Variants in TADA2A observed in about 807,000 individuals in gnomAD.
TADA2A encodes the protein transcriptional adaptor 2A.
In TADA2A, 38 loss-of-function variants were observed where a neutral mutation model predicts 67.4. The ratio of observed to expected loss-of-function variants is 0.56; its 90% CI spans 0.44 to 0.74. TADA2A has a LOEUF of 0.74. TADA2A is among the 30% of genes least tolerant of loss of function. The pLI, the probability that TADA2A is intolerant of heterozygous loss-of-function variation, is 0.00. For missense variants in TADA2A, 454 were observed against 547.0 expected (o/e 0.83, Z 1.70); for synonymous variants, 192 against 181.6 (o/e 1.06, Z -0.46).
intron 8 of TADA2A, among the ~76,000 whole-genome samples, chr17:37,447,740 G>A: frequency 6.6e-6 from 1 of 152,222 alleles, no homozygotes; most frequent in Non-Finnish European, 1.5e-5. Flanking sequence ...TCCTGTGGCA[G>A]CATGACCATG....
In TADA2A at chr17:37,426,968, G is replaced by A. The variant is rs1474977822; in HGVS notation, c.151G>A (p.Glu51Lys). ...LCLQCFTRGF[E>K]YKKHQSDHTY... ...TTTGCAGTGTTTCACTCGAGGCTTT[G>A]AGTACAAGAAACATCAAAGCGATCA... The change falls in exon 4 of 16, where the codon GAG becomes AAG. Residue 51 changes from glutamate to lysine, a missense_variant. Glu to Lys is a moderately conservative substitution (Grantham distance 56). Coordinates refer to ENST00000615182, the MANE Select transcript of TADA2A (RefSeq NM_001166105.3). The A allele has an allele frequency of 5.6e-6, 9 of 1,597,900 alleles. No individual in the cohort carries two copies. The East Asian group carries it at 2.0e-4, about 36-fold the overall frequency.
At chr17:37,453,350 G>A (rs1303697772) in intron 8 of TADA2A, among the ~76,000 whole-genome samples, 1 of 152,092 alleles carries the variant, frequency 6.6e-6, no homozygotes, top group Non-Finnish European at 1.5e-5. Context: ...AGAAATTATT[G>A]ATTCTAATGA....
chr17:37,444,632 G>T, intron 7 of TADA2A, 64 bp from the exon 8 acceptor site: 2 of 1,341,312 alleles, frequency 1.5e-6, no homozygotes, highest in South Asian at 1.2e-5. Context: ...AAGCATGGCT[G>T]CTGTAAAGAC....
At chr17:37,434,583 T>A (rs2052666309) in intron 4 of TADA2A, among the ~76,000 whole-genome samples, 1 of 152,242 alleles carries the variant, frequency 6.6e-6, no homozygotes, top group South Asian at 2.1e-4. Flanking sequence ...GTAGTTACAT[T>A]TAATGACTAC....
intron 4 of TADA2A, among the ~76,000 whole-genome samples, chr17:37,431,661 G>T (rs745826554): frequency 6.7e-6 from 1 of 149,984 alleles, no homozygotes; most frequent in Non-Finnish European, 1.5e-5. Context: ...TGCAACCTCC[G>T]ACTCCTGGGT....
chr17:37,431,159 A>T (rs1439352430), intron 4 of TADA2A, among the ~76,000 whole-genome samples: 4 of 152,028 alleles, frequency 2.6e-5, no homozygotes, highest in Non-Finnish European at 5.9e-5. Flanking sequence ...ATTATAGAAA[A>T]GTTCAGATAT....
At chr17:37,421,573 C>G (rs2052233141) in intron 2 of TADA2A, among the ~76,000 whole-genome samples, 2 of 146,536 alleles carry the variant, frequency 1.4e-5, no homozygotes, top group Admixed American at 6.9e-5. Flanking sequence ...CCGTTTGAGC[C>G]CAGGAATTCA....
At chr17:37,452,955 T>TA (rs2053273965) in intron 8 of TADA2A, among the ~76,000 whole-genome samples, 1 of 152,212 alleles carries the variant, frequency 6.6e-6, no homozygotes, top group East Asian at 1.9e-4. Context: ...CCTAAACTTT[T>TA]AAAAATACTG....
At chr17:37,447,465 G>A (rs2053116341) in intron 8 of TADA2A, among the ~76,000 whole-genome samples, 1 of 152,036 alleles carries the variant, frequency 6.6e-6, no homozygotes, top group African/African-American at 2.4e-5. Flanking sequence ...CTAAATGAAT[G>A]CTTTTAAAAA....
chr17:37,417,914 A>G (rs1001295285), intron 2 of TADA2A, among the ~76,000 whole-genome samples: 2 of 152,212 alleles, frequency 1.3e-5, no homozygotes, highest in Admixed American at 1.3e-4. Flanking sequence ...ATCTATGGTA[A>G]AACAATGCAA....
chr17:37,476,238 A>G (rs1192663936), intron 15 of TADA2A, among the ~76,000 whole-genome samples: 1 of 152,192 alleles, frequency 6.6e-6, no homozygotes, highest in African/African-American at 2.4e-5. Context: ...TTGCTGGATA[A>G]TGTGGCAATT....
At chr17:37,422,392 G>C (rs970409612) in intron 2 of TADA2A, among the ~76,000 whole-genome samples, 2 of 150,938 alleles carry the variant, frequency 1.3e-5, no homozygotes, top group African/African-American at 4.9e-5. Context: ...TGTTGCCCAG[G>C]CTGGTCTCAA....
intron 4 of TADA2A, among the ~76,000 whole-genome samples, chr17:37,433,734 C>T (rs989016478): frequency 1.1e-4 from 17 of 151,894 alleles, no homozygotes; most frequent in African/African-American, 3.9e-4. Flanking sequence ...GGGCGGATTA[C>T]TTGAGGTCGG....
intron 4 of TADA2A, among the ~76,000 whole-genome samples, chr17:37,431,466 C>T (rs2052564649): frequency 6.6e-6 from 1 of 152,092 alleles, no homozygotes; most frequent in East Asian, 1.9e-4. Context: ...TCATTGTAAC[C>T]AACTACTACA....
intron 14 of TADA2A, among the ~76,000 whole-genome samples, chr17:37,473,970 T>C (rs2148051732): frequency 6.6e-6 from 1 of 152,362 alleles, no homozygotes; most frequent in South Asian, 2.1e-4. Context: ...GAATGTCTGT[T>C]CTGCAGTTAT....
chr17:37,447,118 C>T (rs2053104377), intron 8 of TADA2A, among the ~76,000 whole-genome samples: 1 of 152,122 alleles, frequency 6.6e-6, no homozygotes, highest in South Asian at 2.1e-4. Flanking sequence ...ATAATTCTTT[C>T]CCTCTGCCCC....
At chr17:37,408,749 ATTGC>A (rs2051756811) in intron 1 of TADA2A, among the ~76,000 whole-genome samples, 1 of 152,130 alleles carries the variant, frequency 6.6e-6, no homozygotes, top group Admixed American at 6.5e-5. Context: ...CAGTTATTTG[ATTGC>A]TGCGTTCGTA....
At chr17:37,469,002 G>C (rs550466288) in intron 12 of TADA2A, among the ~76,000 whole-genome samples, 140 of 151,988 alleles carry the variant, frequency 9.2e-4, no homozygotes, top group African/African-American at 3.1e-3. Flanking sequence ...CTAGGTTCAA[G>C]CGAGTCTCCT....
intron 15 of TADA2A, among the ~76,000 whole-genome samples, chr17:37,476,143 G>A (rs1001863379): frequency 2.6e-5 from 4 of 152,166 alleles, no homozygotes; most frequent in Non-Finnish European, 4.4e-5. Flanking sequence ...GGAGGTCATA[G>A]GTCAGCCTGA....
Sources: gnomAD v4.1 joint callset for allele counts (sites outside exome capture counted in the v4.1 genomes callset) on GRCh38, gnomAD v4.1.1 for gene constraint, MANE v1.5 for transcripts, NCBI Gene and HGNC (gene_info 2026-07-23, HGNC 2026-07-21) for gene names.